Variants in KCTD8 observed in about 807,000 individuals in gnomAD.
The protein encoded by KCTD8 is potassium channel tetramerization domain containing 8.
In KCTD8, 27 loss-of-function variants were observed where a neutral mutation model predicts 31.5. That is an observed-to-expected ratio of 0.86 (90% CI 0.63 to 1.18). The LOEUF is 1.18. KCTD8 is among the 50% of genes most tolerant of loss of function. KCTD8 has a pLI of 0.00. For synonymous variants in KCTD8, 290 were observed against 280.0 expected, an observed-to-expected ratio of 1.04 and a Z score of -0.36; for missense variants, 658 against 647.7, an observed-to-expected ratio of 1.02 and a Z score of -0.17.
intron 1 of KCTD8, among the ~76,000 whole-genome samples, chr4:44,339,076 T>C (rs1331212239): frequency 6.6e-6 from 1 of 152,198 alleles, no homozygotes; most frequent in African/African-American, 2.4e-5. Flanking sequence ...AATAAAGTGA[T>C]TACCAATTGT....
chr4:44,399,320 G>A lies in KCTD8; in HGVS notation c.961+48243C>T, dbSNP rs1290892170. ...CAGGCAACTAGGTTTTGGAAGTGAA[G>A]GGAATAAGTGAAATAGCAGTGGAGA... On this transcript the variant is annotated intron_variant, in intron 1 of 1. Transcript: ENST00000360029. 3.3e-5 allele frequency among the ~76,000 whole-genome samples: 5 copies of A among 152,106 alleles called. No homozygotes were observed. The East Asian group carries it at 7.8e-4, about 24-fold the overall frequency.
At chr4:44,326,994 A>G (rs538017789) in intron 1 of KCTD8, among the ~76,000 whole-genome samples, 11 of 152,064 alleles carry the variant, frequency 7.2e-5, no homozygotes, top group African/African-American at 2.7e-4. Context: ...TTGGAAATAA[A>G]ATTGCACAAG....
chr4:44,404,336 T>C (rs184211285), intron 1 of KCTD8, among the ~76,000 whole-genome samples: 11 of 152,328 alleles, frequency 7.2e-5, no homozygotes, highest in Admixed American at 6.5e-4. Context: ...GTTCTTATTA[T>C]ACTATTTTCA....
chr4:44,354,741 T>C (rs1719299696), intron 1 of KCTD8, among the ~76,000 whole-genome samples: 1 of 152,178 alleles, frequency 6.6e-6, no homozygotes, highest in Non-Finnish European at 1.5e-5. Flanking sequence ...GAATGTTAAA[T>C]ACTTGTAAGC....
chr4:44,347,454 G>A (rs1483830993), intron 1 of KCTD8, among the ~76,000 whole-genome samples: 2 of 152,168 alleles, frequency 1.3e-5, no homozygotes, highest in African/African-American at 2.4e-5. Context: ...AATGGCTACT[G>A]GTCAGTGGGG....
At chr4:44,273,282 C>T (rs1716663187) in intron 1 of KCTD8, among the ~76,000 whole-genome samples, 1 of 151,904 alleles carries the variant, frequency 6.6e-6, no homozygotes, top group African/African-American at 2.4e-5. Flanking sequence ...AGGCATTTGA[C>T]TATCTATTTG....
intron 1 of KCTD8, among the ~76,000 whole-genome samples, chr4:44,291,858 A>G (rs1586687): frequency 3.9e-5 from 6 of 151,922 alleles, no homozygotes; most frequent in Non-Finnish European, 7.4e-5. Flanking sequence ...GCCAGTGGCC[A>G]ACAAATGTAT....
intron 1 of KCTD8, among the ~76,000 whole-genome samples, chr4:44,231,765 A>T (rs1715126087): frequency 6.6e-6 from 1 of 151,996 alleles, no homozygotes; most frequent in African/African-American, 2.4e-5. Flanking sequence ...GGAATGAGTA[A>T]ATTAAAATCT....
At position 44,448,450 on chromosome 4, in the gene KCTD8, G is replaced by T. The variant is rs773335254; in HGVS notation, c.74C>A (p.Ser25Ter). Residue 25 changes from serine to a stop codon, truncating the protein, a stop_gained, in exon 1 of 2, where the codon TCG (serine) becomes TAG (stop). Coordinates refer to ENST00000360029, the MANE Select transcript of KCTD8 (RefSeq NM_198353.3). LOFTEE classifies it high-confidence loss of function. This position sits in a 1 kb window ranked among gnomAD's most constrained non-coding sequence, Gnocchi z 4.1. ...PISEMVSSSS[S>*]PGASAAAAPG... ...GGCGGCGGCGGCCGACGCGCCGGGC[G>T]AGCTGGACGAGGAAACCATCTCGCT... 1 of 1,546,514 alleles carries T rather than the reference G, an allele frequency of 6.5e-7. No homozygotes were observed. The highest frequency in any genetic ancestry group is 8.7e-7 in the Non-Finnish European group (1 of 1,154,502).
intron 1 of KCTD8, among the ~76,000 whole-genome samples, chr4:44,398,315 G>C (rs916470664): frequency 4.6e-5 from 7 of 152,196 alleles, no homozygotes. Flanking sequence ...GAGTTCATGT[G>C]TCCTCTTTAA....
At chr4:44,322,359 AT>A (rs1404012327) in intron 1 of KCTD8, among the ~76,000 whole-genome samples, 1 of 151,708 alleles carries the variant, frequency 6.6e-6, no homozygotes, top group Non-Finnish European at 1.5e-5. Flanking sequence ...GATGTTGAGC[AT>A]TTTTTTCATA....
intron 1 of KCTD8, among the ~76,000 whole-genome samples, chr4:44,389,624 T>C (rs1290232087): frequency 6.6e-6 from 1 of 151,674 alleles, no homozygotes. Flanking sequence ...TTAATGAGTA[T>C]GGAGTTTAAG....
chr4:44,321,829 C>G (rs1319879999), intron 1 of KCTD8, among the ~76,000 whole-genome samples: 1 of 152,010 alleles, frequency 6.6e-6, no homozygotes, highest in African/African-American at 2.4e-5. Context: ...TTCCTTAGCT[C>G]CTACATGAGT....
chr4:44,300,815 A>G (rs1296664954), intron 1 of KCTD8, among the ~76,000 whole-genome samples: 1 of 151,506 alleles, frequency 6.6e-6, no homozygotes, highest in Non-Finnish European at 1.5e-5. Context: ...TGCTGCACCC[A>G]TTAACTCGTC....
chr4:44,432,160 C>A (rs1721522471), intron 1 of KCTD8, among the ~76,000 whole-genome samples: 3 of 150,994 alleles, frequency 2.0e-5, no homozygotes, highest in Admixed American at 2.0e-4. Flanking sequence ...TTTATTAGCT[C>A]TTATTTTTTA....
chr4:44,282,114 T>C (rs1241607268), intron 1 of KCTD8, among the ~76,000 whole-genome samples: 1 of 152,122 alleles, frequency 6.6e-6, no homozygotes, highest in Non-Finnish European at 1.5e-5. Context: ...TGCTTTACTT[T>C]ATTGCACTTC....
chr4:44,395,857 AC>A (rs890997141), intron 1 of KCTD8, among the ~76,000 whole-genome samples: 5 of 152,016 alleles, frequency 3.3e-5, no homozygotes, highest in African/African-American at 1.2e-4. Flanking sequence ...GCAGTCTCCA[AC>A]CATTTTGGCA....
Position 44,352,357 on chromosome 4 carries a change from A to C in KCTD8, c.961+95206T>G, listed in dbSNP as rs1719225349. Among the ~76,000 whole-genome samples the C allele has an allele frequency of 1.3e-5, 2 of 151,960 alleles. 1 individual carries two copies. Among genetic ancestry groups the C allele is most frequent in the South Asian group, 4.1e-4 (2 of 4,830 alleles). ...TAATACCTAGATTACTTGATTGATA[A>C]GGATGGGAAATTTAGTAAAAGGAAA... On this transcript the variant is annotated intron_variant, in intron 1 of 1. Transcript: ENST00000360029.
At chr4:44,435,700 A>T (rs2109480726) in intron 1 of KCTD8, among the ~76,000 whole-genome samples, 1 of 152,204 alleles carries the variant, frequency 6.6e-6, no homozygotes, top group African/African-American at 2.4e-5. Context: ...TTTCAATAAA[A>T]ATTACAAGCC....
Sources: gnomAD v4.1 joint callset for allele counts (sites outside exome capture counted in the v4.1 genomes callset) on GRCh38, gnomAD v4.1.1 for gene constraint, Gnocchi (gnomAD v3.1) non-coding constraint, MANE v1.5 for transcripts, NCBI Gene and HGNC (gene_info 2026-07-23, HGNC 2026-07-21) for gene names.